The following IQCH variants were observed in gnomAD, a reference collection of about 807,000 sequenced individuals.
IQCH encodes the protein IQ motif containing H.
In IQCH, 98 loss-of-function variants were observed where a neutral mutation model predicts 117.0. That is an observed-to-expected ratio of 0.84 (90% CI 0.71 to 0.99). The LOEUF (loss-of-function observed/expected upper bound fraction) is 0.99, where lower values mean the gene tolerates loss of function less well. Among genes scored for constraint, IQCH ranks in the 50% least tolerant of loss-of-function variants. The pLI is 0.00. For missense variants in IQCH, 1,102 were observed against 1,243.8 expected, an observed-to-expected ratio of 0.89 and a Z score of 1.72; for synonymous variants, 412 against 448.2, an observed-to-expected ratio of 0.92 and a Z score of 1.02.
intron 5 of IQCH, among the ~76,000 whole-genome samples, 162 bp downstream of exon 5, chr15:67,337,257 A>T (rs1968936813): frequency 6.6e-6 from 1 of 152,102 alleles, no homozygotes; most frequent in Admixed American, 6.6e-5. Flanking sequence ...CTGCTCTGTA[A>T]ATTAAAAGGT....
rs1969891024 is a variant in IQCH at position 67,356,416 on chromosome 15, G to T, written c.638-929G>T. ...TATTTTTCCTACTCTTTAAAAAAGA[G>T]CTGAAGATATTCCTTGCAGCTCAGT... On this transcript the variant is annotated intron_variant, in intron 6 of 20. Coordinates refer to ENST00000335894, the MANE Select transcript of IQCH (RefSeq NM_001031715.3). The surrounding 1 kb of genome is among the most constrained non-coding windows in gnomAD (Gnocchi z 5.3). Among the ~76,000 whole-genome samples, 1 of 152,184 alleles carries T rather than the reference G, an allele frequency of 6.6e-6. No homozygotes were observed. Among genetic ancestry groups the T allele is most frequent in the African/African-American group, 2.4e-5 (1 of 41,444 alleles).
intron 18 of IQCH, among the ~76,000 whole-genome samples, chr15:67,486,222 T>C (rs2083476410): frequency 6.6e-6 from 1 of 151,362 alleles, no homozygotes; most frequent in African/African-American, 2.4e-5. Context: ...GTATTTTTAA[T>C]AGAGACAGCA....
chr15:67,472,935 G>T lies in IQCH; in HGVS notation c.2677-2761G>T, dbSNP rs1181730111. On this transcript the variant is annotated intron_variant, in intron 17 of 20. Transcript: ENST00000335894. This position sits in a 1 kb window ranked among gnomAD's most constrained non-coding sequence, Gnocchi z 4.3. ...TGAAGAAGAAACCTCAGGGTAGCCTGCCCTTACATGTTGTCTAGTAATCAT... is the reference window on the plus strand; with the variant it reads ...TGAAGAAGAAACCTCAGGGTAGCCTTCCCTTACATGTTGTCTAGTAATCAT... Among the ~76,000 whole-genome samples, 1 of 152,170 alleles carries T rather than the reference G, an allele frequency of 6.6e-6. No homozygotes were observed. Among genetic ancestry groups the T allele is most frequent in the Non-Finnish European group, 1.5e-5 (1 of 68,028 alleles).
rs1356263312 is a variant in IQCH at position 67,486,041 on chromosome 15, T to TC, written c.2800-3962_2800-3961insC. Among the ~76,000 whole-genome samples, 41 of 144,582 alleles carry TC rather than the reference T, an allele frequency of 2.8e-4. 1 individual carries two copies. The highest frequency in any genetic ancestry group is 2.3e-4 in the South Asian group (1 of 4,388). 94.9% of individuals were successfully genotyped at this position (144,582 alleles called of 152,430 possible). Reference sequence around the variant, plus strand: ...ATAAGACTGCTAGCTAAGTTTTCTTTTTTTTTTTTTTTTTTTTGAGATAGA... The same window carrying TC: ...ATAAGACTGCTAGCTAAGTTTTCTTTCTTTTTTTTTTTTTTTTTGAGATAGA... On this transcript the variant is annotated intron_variant, in intron 18 of 20. Transcript: ENST00000335894.
intron 4 of IQCH, among the ~76,000 whole-genome samples, chr15:67,309,413 G>T (rs1028768489): frequency 5.3e-5 from 8 of 152,048 alleles, no homozygotes; most frequent in African/African-American, 1.9e-4. Flanking sequence ...TGTCTGTTCT[G>T]TTTGTCTGTT....
chr15:67,365,336 G>GAA lies in IQCH; in HGVS notation c.753+5451_753+5452insAA, dbSNP rs1970295118. On this transcript the variant is annotated intron_variant, in intron 8 of 20. Transcript: ENST00000335894. This position sits in a 1 kb window ranked among gnomAD's most constrained non-coding sequence, Gnocchi z 4.4. ...GCTCCAAAACTCAAGCTATAAGTTTGCAAATAACTTGTATGATCATAGAAC... is the reference window on the plus strand; with the variant it reads ...GCTCCAAAACTCAAGCTATAAGTTTGAACAAATAACTTGTATGATCATAGAAC... Among the ~76,000 whole-genome samples, 1 of 152,192 alleles carries GAA rather than the reference G, an allele frequency of 6.6e-6. No individual in the cohort carries two copies.
intron 5 of IQCH, among the ~76,000 whole-genome samples, chr15:67,340,199 G>C (rs368953877): frequency 6.6e-6 from 1 of 151,888 alleles, no homozygotes; most frequent in Non-Finnish European, 1.5e-5. Context: ...AGGCCAAGGC[G>C]AGCAGATCAC....
chr15:67,301,401 GTTTTTTTTTTTTTTT>G (rs10663973), intron 4 of IQCH, among the ~76,000 whole-genome samples: 1 of 75,338 alleles, frequency 1.3e-5, no homozygotes, highest in Non-Finnish European at 2.3e-5. Flanking sequence ...GTTATGTTAA[GTTTTTTTTTTTTTTT>G]TTTTTTTTTT....
At chr15:67,286,045 A>G (rs902413986) in intron 4 of IQCH, among the ~76,000 whole-genome samples, 5 of 152,162 alleles carry the variant, frequency 3.3e-5, no homozygotes, top group Non-Finnish European at 5.9e-5. Context: ...TATTTTGACA[A>G]TATTGATTCT....
In IQCH at chr15:67,436,702, G is replaced by A. The variant is rs1384453352; in HGVS notation, c.2505+15125G>A. Among the ~76,000 whole-genome samples, 1 of 152,176 alleles carries A rather than the reference G, an allele frequency of 6.6e-6. No individual in the cohort carries two copies. Among genetic ancestry groups the A allele is most frequent in the African/African-American group, 2.4e-5 (1 of 41,440 alleles). On this transcript the variant is annotated intron_variant, in intron 16 of 20. Transcript: ENST00000335894. This position sits in a 1 kb window ranked among gnomAD's most constrained non-coding sequence, Gnocchi z 5.1. ...TCTGCCTGGAAAGAGACTCGGGGCTGTTGTGGAGAGGCATGGTGGGAGTGA... is the reference window on the plus strand; with the variant it reads ...TCTGCCTGGAAAGAGACTCGGGGCTATTGTGGAGAGGCATGGTGGGAGTGA...
chr15:67,339,314 T>C (rs906725844), intron 5 of IQCH, among the ~76,000 whole-genome samples: 4 of 152,196 alleles, frequency 2.6e-5, no homozygotes, highest in African/African-American at 9.7e-5. Flanking sequence ...GCTAAAATCA[T>C]GACTCTCATA....
intron 3 of IQCH, among the ~76,000 whole-genome samples, chr15:67,265,123 C>T (rs936953552): frequency 1.3e-5 from 2 of 152,224 alleles, no homozygotes; most frequent in Non-Finnish European, 2.9e-5. Flanking sequence ...CTCTGTCTTC[C>T]TCTTTATCCT....
chr15:67,417,265 G>A lies in IQCH; in HGVS notation c.2218+214G>A, dbSNP rs538954473. Among the ~76,000 whole-genome samples the A allele has an allele frequency of 3.3e-5, 5 of 152,290 alleles. No homozygotes were observed. The East Asian group carries it at 9.6e-4, about 29-fold the overall frequency. On this transcript the variant is annotated intron_variant, in intron 15 of 20. Transcript: ENST00000335894. The surrounding 1 kb of genome is among the most constrained non-coding windows in gnomAD (Gnocchi z 4.3). Reference sequence around the variant, plus strand: ...ACCTAGCATGCCAAGCATGGCATGGGAAGCTCAAGATTCTGGGCCTTTTTT... The same window carrying A: ...ACCTAGCATGCCAAGCATGGCATGGAAAGCTCAAGATTCTGGGCCTTTTTT...
chr15:67,383,384 T>C (rs1971005574), intron 10 of IQCH, among the ~76,000 whole-genome samples: 1 of 152,204 alleles, frequency 6.6e-6, no homozygotes, highest in Non-Finnish European at 1.5e-5. Context: ...CACAGACTTA[T>C]TCACTCACAT....
At chr15:67,483,135 T>A (rs1484515766) in intron 18 of IQCH, among the ~76,000 whole-genome samples, 1 of 152,192 alleles carries the variant, frequency 6.6e-6, no homozygotes, top group Non-Finnish European at 1.5e-5. Flanking sequence ...TGTAACCAAC[T>A]AACTGTCACT....
chr15:67,421,101 G>A, intron 15 of IQCH, 190 bp from the exon 16 acceptor site: 1 of 599,392 alleles, frequency 1.7e-6, no homozygotes, highest in South Asian at 2.0e-5. Context: ...GATAGATACA[G>A]TATCTCCAAG....
At chr15:67,350,322 A>G (rs1383708662) in intron 6 of IQCH, among the ~76,000 whole-genome samples, 1 of 152,214 alleles carries the variant, frequency 6.6e-6, no homozygotes. Flanking sequence ...AAATGAAACA[A>G]TGAAGACAGA....
intron 13 of IQCH, among the ~76,000 whole-genome samples, chr15:67,399,162 G>A (rs1971562236): frequency 6.6e-6 from 1 of 152,148 alleles, no homozygotes; most frequent in Non-Finnish European, 1.5e-5. Flanking sequence ...ATAGGTTTTG[G>A]AGTCAAAGCA....
rs1760278794 is a variant in IQCH, at chr15:67,469,112, C to G, written c.2676+3815C>G. The stretch of plus-strand genomic sequence containing the variant: ...GTAGTTTAATAAGACTAGACTTCTA[C>G]CAAGAATATTTTGTCTTTTTTTTTC... On this transcript the variant is annotated intron_variant, in intron 17 of 20. Coordinates refer to ENST00000335894, the MANE Select transcript of IQCH (RefSeq NM_001031715.3). Among the ~76,000 whole-genome samples, 4 of 119,134 alleles carry G rather than the reference C, an allele frequency of 3.4e-5. No individual in the cohort carries two copies. The Admixed American group carries it at 3.8e-4, about 11-fold the overall frequency. 78.2% of individuals were successfully genotyped at this position (119,134 alleles called of 152,430 possible).
Sources: allele counts gnomAD v4.1 joint callset (sites outside exome capture counted in the v4.1 genomes callset), GRCh38; gene constraint gnomAD v4.1.1; non-coding constraint Gnocchi (gnomAD v3.1); transcripts MANE v1.5; gene names NCBI Gene and HGNC (gene_info 2026-07-23, HGNC 2026-07-21).